The following NMT2 variants were observed in gnomAD, a reference collection of about 807,000 sequenced individuals.
NMT2 encodes glycylpeptide N-tetradecanoyltransferase 2.
In NMT2, 35 loss-of-function variants were observed where a neutral mutation model predicts 65.4. The observed-to-expected ratio is 0.54, with a 90% CI of 0.41 to 0.71. The LOEUF (loss-of-function observed/expected upper bound fraction) is 0.71, where lower values mean the gene tolerates loss of function less well. Ranked by LOEUF, NMT2 falls within the 30% of genes least tolerant of loss-of-function variation. NMT2 has a pLI of 0.00. For missense variants in NMT2, 489 were observed against 611.3 expected (o/e 0.80, Z 2.11); for synonymous variants, 226 against 231.8 (o/e 0.98, Z 0.23).
chr10:15,126,786 C>T (rs181139549), intron 8 of NMT2, among the ~76,000 whole-genome samples: 2 of 152,334 alleles, frequency 1.3e-5, no homozygotes, highest in African/African-American at 4.8e-5. Context: ...TAAGCTGTGA[C>T]TGGATTTCTG....
chr10:15,114,836 C>G (rs1450323403), intron 9 of NMT2, among the ~76,000 whole-genome samples: 4 of 152,126 alleles, frequency 2.6e-5, no homozygotes, highest in Admixed American at 2.6e-4. Context: ...AACCCCGTCT[C>G]TACTAAAATA....
chr10:15,141,413 A>G lies in NMT2; in HGVS notation c.246+9T>C, dbSNP rs1425476115. On this transcript the variant is annotated intron_variant, in intron 2 of 11. Coordinates refer to ENST00000378165, the MANE Select transcript of NMT2 (RefSeq NM_004808.3). ...CCACACAGAGGAAAAAATAAAACAG[A>G]GCTCTCACTTTCGAAGGCTGCTGAA... is the stretch of plus-strand genomic sequence containing the variant. The G allele has an allele frequency of 1.9e-6, 3 of 1,613,534 alleles. No individual in the cohort carries two copies. Among genetic ancestry groups the G allele is most frequent in the Non-Finnish European group, 2.5e-6 (3 of 1,179,924 alleles).
intron 1 of NMT2, chr10:15,155,264 G>A (rs762096114): frequency 2.7e-5 from 40 of 1,457,138 alleles, no homozygotes; most frequent in Non-Finnish European, 3.4e-5. Flanking sequence ...CGAAGGAGAC[G>A]TGCCCCAAGG....
intron 1 of NMT2, among the ~76,000 whole-genome samples, chr10:15,158,906 T>C (rs1012895256): frequency 1.3e-5 from 2 of 152,200 alleles, no homozygotes; most frequent in African/African-American, 4.8e-5. Context: ...GACTCCACCC[T>C]TGTAAGCTAT....
intron 2 of NMT2, among the ~76,000 whole-genome samples, chr10:15,135,774 T>C (rs902957214): frequency 6.7e-6 from 1 of 148,942 alleles, no homozygotes; most frequent in African/African-American, 2.5e-5. Flanking sequence ...GCCACGAGCC[T>C]TGGGTGGGGG....
intron 1 of NMT2, among the ~76,000 whole-genome samples, chr10:15,163,776 C>T (rs1833280359): frequency 6.6e-6 from 1 of 152,110 alleles, no homozygotes; most frequent in African/African-American, 2.4e-5. Flanking sequence ...TTTTTTACCC[C>T]CTAAATTGGG....
intron 6 of NMT2, among the ~76,000 whole-genome samples, chr10:15,132,106 C>CT (rs1472810898): frequency 6.6e-6 from 1 of 152,140 alleles, no homozygotes; most frequent in Non-Finnish European, 1.5e-5. Context: ...CTCAAGTGAT[C>CT]TGCCAGCCTC....
intron 1 of NMT2, among the ~76,000 whole-genome samples, chr10:15,141,993 G>A (rs895916347): frequency 3.9e-5 from 6 of 152,096 alleles, no homozygotes; most frequent in Non-Finnish European, 8.8e-5. Flanking sequence ...TTTTGCAGAG[G>A]AGGAAATGTT....
At chr10:15,119,558 G>A in intron 8 of NMT2, 45 bp from the exon 9 acceptor site, 1 of 1,578,572 alleles carries the variant, frequency 6.3e-7, no homozygotes, top group East Asian at 2.2e-5. Flanking sequence ...TCAGGTAGAA[G>A]AGGAGTGAAA....
chr10:15,135,386 A>G lies in NMT2; in HGVS notation c.279T>C (p.Asp93=). Residue 93 remains aspartate, a synonymous_variant, in exon 3 of 12, where the codon GAT becomes GAC. Transcript: ENST00000378165. ...ATAGCAGCTCCATTGCTCTCTGGAT[A>G]TCCTGCAACTTCTGCATTGGAACAC... ...NPSVPMQKLQ[D]IQRAMELLSA... The G allele has an allele frequency of 1.2e-6, 2 of 1,614,178 alleles. No individual in the cohort carries two copies. Among genetic ancestry groups the G allele is most frequent in the South Asian group, 2.2e-5 (2 of 91,086 alleles).
intron 6 of NMT2, among the ~76,000 whole-genome samples, chr10:15,131,177 A>G (rs1333856342): frequency 6.6e-6 from 1 of 152,164 alleles, no homozygotes; most frequent in Non-Finnish European, 1.5e-5. Context: ...ACTATTCCCC[A>G]TATCTCCCTG....
At chr10:15,128,909 G>C (rs1244840047) in intron 7 of NMT2, among the ~76,000 whole-genome samples, 1 of 152,180 alleles carries the variant, frequency 6.6e-6, no homozygotes, top group Non-Finnish European at 1.5e-5. Flanking sequence ...GGAGGCTGAG[G>C]CAGGAGAATC....
At chr10:15,162,285 T>C (rs1334529394) in intron 1 of NMT2, among the ~76,000 whole-genome samples, 1 of 134,238 alleles carries the variant, frequency 7.4e-6, no homozygotes, top group African/African-American at 2.8e-5. Flanking sequence ...GTACAGATAA[T>C]CCACAGAAGA....
chr10:15,150,148 TCA>T (rs1345550117), intron 1 of NMT2, among the ~76,000 whole-genome samples: 1 of 152,206 alleles, frequency 6.6e-6, no homozygotes, highest in Non-Finnish European at 1.5e-5. Flanking sequence ...CAGAGGTTCA[TCA>T]CACTACCTGC....
chr10:15,119,287 G>A (rs992216215), intron 9 of NMT2, 56 bp downstream of exon 9: 25 of 1,504,624 alleles, frequency 1.7e-5, no homozygotes, highest in Admixed American at 5.3e-5. Context: ...TCTGCTGCAC[G>A]CTGAACACAA....
intron 1 of NMT2, among the ~76,000 whole-genome samples, chr10:15,143,510 G>T (rs1846847357): frequency 6.6e-6 from 1 of 152,240 alleles, no homozygotes; most frequent in Admixed American, 6.5e-5. Context: ...AGGACGCTTT[G>T]AAGTAGATGC....
At chr10:15,158,021 G>A (rs929328394) in intron 1 of NMT2, among the ~76,000 whole-genome samples, 12 of 152,016 alleles carry the variant, frequency 7.9e-5, no homozygotes, top group Non-Finnish European at 1.6e-4. Flanking sequence ...GTCAACCAGG[G>A]AAAATATATA....
Position 15,108,076 on chromosome 10 carries a change from G to A in NMT2, c.*1119C>T. Reference sequence around the variant, plus strand: ...ATAAGTTCCACCAGGCATCTCTTTTGACTTTACAGTTTTTTATTTCCTTTT... The same window carrying A: ...ATAAGTTCCACCAGGCATCTCTTTTAACTTTACAGTTTTTTATTTCCTTTT... On this transcript the variant is annotated 3_prime_UTR_variant, in exon 12 of 12. Transcript: ENST00000378165. 2.0e-6 allele frequency: 2 copies of A among 985,570 alleles called. No homozygotes were observed. Among genetic ancestry groups the A allele is most frequent in the Non-Finnish European group, 2.4e-6 (2 of 829,896 alleles). 61.1% of individuals were successfully genotyped at this position (985,570 alleles called of 1,614,324 possible).
chr10:15,124,583 A>G (rs1283218962), intron 8 of NMT2, among the ~76,000 whole-genome samples: 2 of 152,384 alleles, frequency 1.3e-5, no homozygotes, highest in East Asian at 3.9e-4. Context: ...AATGAAGCAG[A>G]AAATGAGATT....
Sources: allele counts gnomAD v4.1 joint callset (sites outside exome capture counted in the v4.1 genomes callset), GRCh38; gene constraint gnomAD v4.1.1; transcripts MANE v1.5; gene names NCBI Gene and HGNC (gene_info 2026-07-23, HGNC 2026-07-21).